Variants in DIPK1B observed in about 807,000 individuals in gnomAD.
DIPK1B encodes family with sequence similarity 69 member B.
DIPK1B carries 17 observed loss-of-function variants against 20.7 expected under a neutral mutation model. The observed-to-expected ratio is 0.82, with a 90% CI of 0.56 to 1.23. The LOEUF is 1.23. Ranked by LOEUF, DIPK1B falls within the 50% of genes most tolerant of loss-of-function variation. The probability of loss-of-function intolerance (pLI) is 0.00; values close to 1 mark genes in which losing one functional copy is unlikely to be tolerated. For synonymous variants in DIPK1B, 343 were observed against 276.5 expected (o/e 1.24, Z -2.39); for missense variants, 648 against 601.8 (o/e 1.08, Z -0.80).
At chr9:136,720,691 C>T (rs1243341126) in intron 2 of DIPK1B, among the ~76,000 whole-genome samples, 1 of 152,172 alleles carries the variant, frequency 6.6e-6, no homozygotes, top group Non-Finnish European at 1.5e-5. Flanking sequence ...CATTGTGGGG[C>T]CCCAGGGGTC....
In DIPK1B at chr9:136,722,289, C is replaced by A; in HGVS notation, c.471C>A (p.Leu157=). The A allele has an allele frequency of 6.2e-7, 1 of 1,612,908 alleles. No homozygotes were observed. The change falls in exon 4 of 5, where the codon CTC becomes CTA. Residue 157 remains leucine (L), a synonymous_variant. Transcript: ENST00000371692. The stretch of plus-strand genomic sequence containing the variant: ...TCAAGGAATTCCGGGAGATGACCCT[C>A]AGCTTCCTCAAGGTCAGGCAGCTCT... ...TSIKEFREMT[L]SFLKANLGDL...
chr9:136,723,636 C>G lies in DIPK1B; in HGVS notation c.1158C>G (p.Arg386=). The G allele has an allele frequency of 6.4e-7, 1 of 1,572,818 alleles. No individual in the cohort carries two copies. Residue 386 remains arginine (R), a synonymous_variant, in exon 5 of 5, where the codon CGC becomes CGG. Transcript: ENST00000371692. Reference sequence around the variant, plus strand: ...TGCCTGGCGCGCCCGCCGACCTCCGCGAGGAGCTGGGCACACAGCTGCGCA... The same window carrying G: ...TGCCTGGCGCGCCCGCCGACCTCCGGGAGGAGCTGGGCACACAGCTGCGCA... ...YLLPGAPADL[R]EELGTQLRTC...
At position 136,712,589 on chromosome 9, in the gene DIPK1B, G is replaced by T; in HGVS notation, c.-77G>T. On this transcript the variant is annotated 5_prime_UTR_variant, in exon 1 of 5. Transcript: ENST00000371692. This position sits in a 1 kb window ranked among gnomAD's most constrained non-coding sequence, Gnocchi z 5.6. ...CGGCCCGCATGGCGAGGGAGCGGCGGCCGCTGCGGGCCGGGCCGGGCCGGG... is the reference window on the plus strand; with the variant it reads ...CGGCCCGCATGGCGAGGGAGCGGCGTCCGCTGCGGGCCGGGCCGGGCCGGG... 3 of 646,134 alleles carry T rather than the reference G, an allele frequency of 4.6e-6. No individual in the cohort carries two copies. Among genetic ancestry groups the T allele is most frequent in the Non-Finnish European group, 5.7e-6 (3 of 522,556 alleles). 40.0% of individuals were successfully genotyped at this position (646,134 alleles called of 1,614,324 possible).
At chr9:136,722,653 C>T (rs910525471) in intron 4 of DIPK1B, 10 of 563,080 alleles carry the variant, frequency 1.8e-5, no homozygotes, top group East Asian at 6.0e-5. Context: ...TGCCCTGTGC[C>T]GATTCTCATC....
Position 136,722,226 on chromosome 9 carries a change from G to A in DIPK1B, c.408G>A (p.Glu136=), listed in dbSNP as rs1003734667. The part of the protein sequence containing the change: ...KARSDAAPRR[E]LVLFDKPTRG... ...GGTCGGATGCGGCCCCCCGGCGGGA[G>A]CTGGTACTGTTTGACAAGCCCACCC... The change falls in exon 4 of 5, where the codon GAG becomes GAA. Residue 136 remains glutamate (E), a synonymous_variant. Transcript: ENST00000371692. The A allele has an allele frequency of 1.2e-6, 2 of 1,614,006 alleles. No individual in the cohort carries two copies. The highest frequency in any genetic ancestry group is 1.7e-6 in the Non-Finnish European group (2 of 1,180,000).
rs753254612 is a variant in DIPK1B, at chr9:136,721,912, TCTC to T, written c.199-5_199-3del. ...GCCCCGCCCGGCACGCCTGCACCTGTCTCCTCAGTGTGACCAGTACCGCAAGGG... is the reference window on the plus strand; with the variant it reads ...GCCCCGCCCGGCACGCCTGCACCTGTCTCAGTGTGACCAGTACCGCAAGGG... On this transcript the variant is annotated splice_region_variant and splice_polypyrimidine_tract_variant and intron_variant, in intron 2 of 4. Transcript: ENST00000371692. 2 of 1,612,278 alleles carry T rather than the reference TCTC, an allele frequency of 1.2e-6. No individual in the cohort carries two copies. Among genetic ancestry groups the T allele is most frequent in the Non-Finnish European group, 1.7e-6 (2 of 1,179,680 alleles).
intron 2 of DIPK1B, chr9:136,721,533 C>G (rs1846601243): frequency 1.3e-5 from 3 of 223,496 alleles, no homozygotes. Context: ...AGTTCACCGG[C>G]CAATGCCTGG....
In DIPK1B at chr9:136,723,617, G is replaced by C; in HGVS notation, c.1139G>C (p.Gly380Ala). Residue 380 changes from glycine (G) to alanine (A), a missense_variant, in exon 5 of 5, where the codon GGC becomes GCC. Transcript: ENST00000371692. The stretch of plus-strand genomic sequence containing the variant: ...CTGCTACGGGGCTACCTGCTGCCTG[G>C]CGCGCCCGCCGACCTCCGCGAGGAG... ...CALLRGYLLPGAPADLREELG... is the reference protein window; with the variant it reads ...CALLRGYLLPAAPADLREELG... 1 of 1,581,154 alleles carries C rather than the reference G, an allele frequency of 6.3e-7. No homozygotes were observed. The highest frequency in any genetic ancestry group is 1.1e-5 in the South Asian group (1 of 87,180).
In DIPK1B at chr9:136,722,187, C is replaced by T. The variant is rs757549927; in HGVS notation, c.369C>T (p.Leu123=). 65 of 1,613,870 alleles carry T rather than the reference C, an allele frequency of 4.0e-5. 1 individual carries two copies. The East Asian group carries it at 9.8e-4, about 24-fold the overall frequency. Residue 123 remains leucine, a synonymous_variant, in exon 4 of 5, where the codon CTC becomes CTT. Coordinates refer to ENST00000371692, the MANE Select transcript of DIPK1B (RefSeq NM_152421.4). The part of the protein sequence containing the change: ...VTIKCGIEET[L]DSKARSDAAP... Reference sequence around the variant, plus strand: ...TCAAGTGTGGCATTGAGGAGACCCTCGACTCCAAGGCCCGGTCGGATGCGG... The same window carrying T: ...TCAAGTGTGGCATTGAGGAGACCCTTGACTCCAAGGCCCGGTCGGATGCGG...
intron 1 of DIPK1B, among the ~76,000 whole-genome samples, chr9:136,713,327 G>C (rs1213373489): frequency 6.6e-6 from 1 of 152,176 alleles, no homozygotes; most frequent in African/African-American, 2.4e-5. Flanking sequence ...CCGGGGCCCG[G>C]CCTCGGATGG....
intron 2 of DIPK1B, among the ~76,000 whole-genome samples, chr9:136,719,641 C>T (rs1564308620): frequency 6.6e-6 from 1 of 152,224 alleles, no homozygotes; most frequent in Non-Finnish European, 1.5e-5. Context: ...CAAGCACACG[C>T]CCGCCTCAGC....
intron 3 of DIPK1B, 37 bp downstream of exon 3, chr9:136,722,065 ATAC>A (rs1212721867): frequency 6.2e-7 from 1 of 1,613,236 alleles, no homozygotes; most frequent in Non-Finnish European, 8.5e-7. Context: ...CCTGGGGCTG[ATAC>A]TGCCCGTGCA....
intron 2 of DIPK1B, 77 bp downstream of exon 2, chr9:136,717,788 G>A (rs1846521544): frequency 1.3e-6 from 2 of 1,589,500 alleles, no homozygotes; most frequent in Admixed American, 1.7e-5. Flanking sequence ...AGGCCCTGGA[G>A]ACACCTTCCT....
intron 1 of DIPK1B, among the ~76,000 whole-genome samples, chr9:136,715,056 G>A (rs1846477526): frequency 6.6e-6 from 1 of 152,264 alleles, no homozygotes; most frequent in Non-Finnish European, 1.5e-5. Flanking sequence ...GGGCAGGTGG[G>A]GGTGTGGCCA....
intron 2 of DIPK1B, among the ~76,000 whole-genome samples, chr9:136,717,974 G>A (rs1324936676): frequency 1.3e-5 from 2 of 152,022 alleles, no homozygotes; most frequent in African/African-American, 2.4e-5. Flanking sequence ...GTGGGGGCTG[G>A]GGGCAGAAGG....
rs202023600 is a variant in DIPK1B at position 136,723,223 on chromosome 9, C to G, written c.745C>G (p.Arg249Gly). 2.7e-5 allele frequency: 43 copies of G among 1,612,152 alleles called. No individual in the cohort carries two copies. In the East Asian group the frequency reaches 6.5e-4, roughly 24 times the overall value. ...CGCGGCCGCCCTTCCACCCCTGTTG[C>G]GCCCACTGCTGCCGCCTGCCCTGCA... ...WHAAALPPLL[R>G]PLLPPALQGA... Residue 249 changes from arginine (R) to glycine (G), a missense_variant, in exon 5 of 5, where the codon CGC (arginine) becomes GGC (glycine). By Grantham distance (125) the Arg-to-Gly change is moderately radical. Transcript: ENST00000371692.
chr9:136,718,865 C>T (rs1588282842), intron 2 of DIPK1B, among the ~76,000 whole-genome samples: 1 of 152,308 alleles, frequency 6.6e-6, no homozygotes, highest in East Asian at 1.9e-4. Context: ...CCAGATGTGG[C>T]AGTGGAGGAC....
In DIPK1B at chr9:136,723,210, T is replaced by TCCAC; in HGVS notation, c.735_738dup (p.Leu247ThrfsTer52). 3 of 1,612,300 alleles carry TCCAC rather than the reference T, an allele frequency of 1.9e-6. No homozygotes were observed. The highest frequency in any genetic ancestry group is 2.5e-6 in the Non-Finnish European group (3 of 1,179,748). On this transcript the variant is annotated frameshift_variant, in exon 5 of 5. Transcript: ENST00000371692. LOFTEE classifies it low-confidence loss of function (END_TRUNC). ...ATGGCGCCTGGCACGCGGCCGCCCT[T>TCCAC]CCACCCCTGTTGCGCCCACTGCTGC...
At chr9:136,715,054 G>A (rs1801476316) in intron 1 of DIPK1B, among the ~76,000 whole-genome samples, 3 of 152,256 alleles carry the variant, frequency 2.0e-5, no homozygotes, top group African/African-American at 4.8e-5. Context: ...TTGGGCAGGT[G>A]GGGGTGTGGC....
Sources: allele counts gnomAD v4.1 joint callset (sites outside exome capture counted in the v4.1 genomes callset), GRCh38; gene constraint gnomAD v4.1.1; non-coding constraint Gnocchi (gnomAD v3.1); transcripts MANE v1.5; gene names NCBI Gene and HGNC (gene_info 2026-07-23, HGNC 2026-07-21).